CDH23: variants seen among roughly 807,000 people sequenced by gnomAD.
The protein encoded by CDH23 is cadherin related 23.
Under a neutral mutation model 317.1 loss-of-function variants are expected in CDH23, and 189 were observed. The observed-to-expected ratio is 0.60, with a 90% CI of 0.53 to 0.67. The LOEUF is 0.67. CDH23 is among the 30% of genes least tolerant of loss of function. The probability of loss-of-function intolerance (pLI) is 0.00; values close to 1 mark genes in which losing one functional copy is unlikely to be tolerated. For synonymous variants in CDH23, 1,839 were observed against 1,876.8 expected, an observed-to-expected ratio of 0.98 and a Z score of 0.52; for missense variants, 4,401 against 4,592.4, an observed-to-expected ratio of 0.96 and a Z score of 1.20.
In CDH23 at chr10:71,687,557, C is replaced by G; in HGVS notation, c.1987-90C>G. Reference sequence around the variant, plus strand: ...CAAAGCTCTTTAGGGCCAGCCAGACCTAGCCTGACTCCTTGGTGCCCACCT... The same window carrying G: ...CAAAGCTCTTTAGGGCCAGCCAGACGTAGCCTGACTCCTTGGTGCCCACCT... On this transcript the variant is annotated intron_variant, in intron 18 of 69. Transcript: ENST00000224721. 6.7e-6 allele frequency: 8 copies of G among 1,190,770 alleles called. No homozygotes were observed. The Admixed American group carries it at 1.1e-4, about 16-fold the overall frequency. The allele number at this position is 1,190,770 out of a possible 1,614,324, so 73.8% of individuals were successfully genotyped here.
At chr10:71,805,460 A>G (rs779621405) in intron 55 of CDH23, among the ~76,000 whole-genome samples, 2 of 152,160 alleles carry the variant, frequency 1.3e-5, no homozygotes, top group Non-Finnish European at 2.9e-5. Flanking sequence ...CAGCACTTAG[A>G]TCCCCTCTGT....
At chr10:71,641,340 C>T (rs1862542057) in intron 11 of CDH23, among the ~76,000 whole-genome samples, 1 of 152,180 alleles carries the variant, frequency 6.6e-6, no homozygotes, top group Non-Finnish European at 1.5e-5. Flanking sequence ...AGGAGGGCAG[C>T]ACCGGTGTGA....
At chr10:71,785,408 A>G (rs1196023575) in intron 43 of CDH23, among the ~76,000 whole-genome samples, 1 of 152,230 alleles carries the variant, frequency 6.6e-6, no homozygotes, top group Non-Finnish European at 1.5e-5. Context: ...TAGATGGCCA[A>G]CAACACCATG....
At chr10:71,577,805 C>T (rs1035703493) in intron 8 of CDH23, 109 bp from the exon 9 acceptor site, 1 of 939,290 alleles carries the variant, frequency 1.1e-6, no homozygotes, top group Non-Finnish European at 1.7e-6. Flanking sequence ...CTGGGTTGCC[C>T]TTGCAGCCAG....
Position 71,815,360 on chromosome 10 carries a change from CG to C in CDH23, c.*89del. On this transcript the variant is annotated 3_prime_UTR_variant, in exon 70 of 70. Coordinates refer to ENST00000224721, the MANE Select transcript of CDH23 (RefSeq NM_022124.6). ...GAGCAAGGGCAGGGACAGGGCCGGT[CG>C]GGGGGGACCCTCCAAGGCCAGGCCT... 43 of 1,325,798 alleles carry C rather than the reference CG, an allele frequency of 3.2e-5. No individual in the cohort carries two copies. The highest frequency in any genetic ancestry group is 4.7e-5 in the South Asian group (3 of 63,978). The allele number at this position is 1,325,798 out of a possible 1,614,324, so 82.1% of individuals were successfully genotyped here.
In CDH23 at chr10:71,812,629, G is replaced by A. The variant is rs776704248; in HGVS notation, c.9510+20G>A. The A allele has an allele frequency of 8.7e-6, 14 of 1,601,982 alleles. No homozygotes were observed. The Admixed American group carries it at 2.0e-4, about 23-fold the overall frequency. On this transcript the variant is annotated intron_variant, in intron 67 of 69. Coordinates refer to ENST00000224721, the MANE Select transcript of CDH23 (RefSeq NM_022124.6). ...ACCCATGTGAGCCAGAGGCGGTCAG[G>A]CATCACAAGGGGCAGGGGTGGAGGG...
At chr10:71,789,135 G>C in intron 45 of CDH23, 93 bp downstream of exon 45, 1 of 696,704 alleles carries the variant, frequency 1.4e-6, no homozygotes, top group East Asian at 2.6e-5. Context: ...TAACGGCATA[G>C]CTGAACCTAG....
At chr10:71,629,259 G>C (rs1861893965) in intron 11 of CDH23, among the ~76,000 whole-genome samples, 1 of 152,188 alleles carries the variant, frequency 6.6e-6, no homozygotes, top group African/African-American at 2.4e-5. Context: ...CAGGTGGTGA[G>C]AAGAGCCACG....
Position 71,811,205 on chromosome 10 carries a change from G to C in CDH23, c.9078-110G>C, listed in dbSNP as rs1841910818. The C allele has an allele frequency of 2.0e-6, 3 of 1,528,232 alleles. No individual in the cohort carries two copies. In the Admixed American group the frequency reaches 5.2e-5, roughly 26 times the overall value. The allele number at this position is 1,528,232 out of a possible 1,614,324, so 94.7% of individuals were successfully genotyped here. ...GTCCCAGCCGGTGGACCTCAATCTT[G>C]CAAGGCTTGGGGTTGTTGAACTTTG... On this transcript the variant is annotated intron_variant, in intron 62 of 69. Transcript: ENST00000224721.
chr10:71,444,254 G>A (rs150499074), intron 2 of CDH23, among the ~76,000 whole-genome samples: 12 of 152,398 alleles, frequency 7.9e-5, no homozygotes, highest in African/African-American at 1.4e-4. Flanking sequence ...AGCGCTTTAT[G>A]TATGTAATCT....
rs1269192113 is a variant in CDH23, at chr10:71,439,876, G to T, written c.45G>T (p.Leu15Phe). 1 of 1,575,924 alleles carries T rather than the reference G, an allele frequency of 6.3e-7. No homozygotes were observed. The highest frequency in any genetic ancestry group is 8.6e-7 in the Non-Finnish European group (1 of 1,159,664). ...VATSCHVAWL[L>F]VLISGCWGQV... ...CCAGCTGCCACGTGGCCTGGCTTTT[G>T]GTGCTGATCTCTGGATGCTGGGGTA... The change falls in exon 2 of 70, where the codon TTG becomes TTT. Residue 15 changes from leucine to phenylalanine, a missense_variant. This residue lies in a region of CDH23 where 3,068 missense variants were observed against 3,203.3 expected (regional missense o/e 0.96). Coordinates refer to ENST00000224721, the MANE Select transcript of CDH23 (RefSeq NM_022124.6).
At chr10:71,631,671 C>T (rs529136183) in intron 11 of CDH23, among the ~76,000 whole-genome samples, 3 of 152,176 alleles carry the variant, frequency 2.0e-5, no homozygotes, top group African/African-American at 4.8e-5. Context: ...TTTCTTAATC[C>T]TCTTGGCCCT....
intron 3 of CDH23, among the ~76,000 whole-genome samples, chr10:71,506,332 T>G (rs1189238079): frequency 6.6e-6 from 1 of 152,220 alleles, no homozygotes; most frequent in Non-Finnish European, 1.5e-5. Context: ...GCATCGTGAA[T>G]GTACTAAATG....
intron 1 of CDH23, among the ~76,000 whole-genome samples, chr10:71,439,380 C>A (rs915603069): frequency 3.3e-5 from 5 of 152,310 alleles, no homozygotes; most frequent in African/African-American, 1.2e-4. Context: ...CCCTGTTAGA[C>A]CGCTGTCTTC....
chr10:71,799,174 G>C lies in CDH23; in HGVS notation c.7118G>C (p.Arg2373Thr), dbSNP rs1259411068. The part of the protein sequence containing the change: ...EEVHWLNFTV[R>T]ASDNGSPPRA... ...GTGCACTGGCTCAACTTTACCGTGA[G>C]GGCCTCAGACAACGGGTCCCCGCCC... Residue 2373 changes from arginine to threonine, a missense_variant, in exon 51 of 70, where the codon AGG becomes ACG. This residue lies in a region of CDH23 where 189 missense variants were observed against 250.9 expected (regional missense o/e 0.75). Coordinates refer to ENST00000224721, the MANE Select transcript of CDH23 (RefSeq NM_022124.6). 1 of 1,614,046 alleles carries C rather than the reference G, an allele frequency of 6.2e-7. No individual in the cohort carries two copies. Among genetic ancestry groups the C allele is most frequent in the Non-Finnish European group, 8.5e-7 (1 of 1,179,900 alleles).
intron 12 of CDH23, among the ~76,000 whole-genome samples, chr10:71,644,087 G>A (rs1862709364): frequency 6.6e-6 from 1 of 152,266 alleles, no homozygotes; most frequent in Admixed American, 6.5e-5. Context: ...GCCCCTTCGG[G>A]CATTTAATTG....
chr10:71,702,638 C>G lies in CDH23; in HGVS notation c.2677C>G (p.Leu893Val). The change falls in exon 24 of 70, where the codon CTG (leucine) becomes GTG (valine). Residue 893 changes from leucine to valine, a missense_variant. Leu to Val is a conservative substitution (Grantham distance 32, BLOSUM62 1). Transcript: ENST00000224721. ...TGACAATGACCCCACCTTTCAGAAC[C>G]TGCCTTTTGTGGCCGAGGTGCTTGA... ...LNDNDPTFQN[L>V]PFVAEVLEGI... 3 of 1,613,974 alleles carry G rather than the reference C, an allele frequency of 1.9e-6. No individual in the cohort carries two copies. The highest frequency in any genetic ancestry group is 2.5e-6 in the Non-Finnish European group (3 of 1,179,896).
chr10:71,784,692 C>T (rs1841049829), intron 42 of CDH23, among the ~76,000 whole-genome samples, 199 bp from the exon 43 acceptor site: 1 of 152,180 alleles, frequency 6.6e-6, no homozygotes, highest in Admixed American at 6.5e-5. Context: ...TTCCTGCTTC[C>T]CTCATCATCC....
chr10:71,612,227 A>AGTGTGTGT lies in CDH23; in HGVS notation c.833-3260_833-3253dup, dbSNP rs112383786. Among the ~76,000 whole-genome samples, 259 of 149,300 alleles carry AGTGTGTGT rather than the reference A, an allele frequency of 1.7e-3. 1 individual carries two copies. Among genetic ancestry groups the AGTGTGTGT allele is most frequent in the African/African-American group, 5.2e-3 (213 of 40,598 alleles). Reference sequence around the variant, plus strand: ...CATGCAAACAGATGTGTGAAAAAGAAGTGTGTGTGTGTGTGTGTGTGTGTA... The same window carrying AGTGTGTGT: ...CATGCAAACAGATGTGTGAAAAAGAAGTGTGTGTGTGTGTGTGTGTGTGTGTGTGTGTA... On this transcript the variant is annotated intron_variant, in intron 9 of 69. Coordinates refer to ENST00000224721, the MANE Select transcript of CDH23 (RefSeq NM_022124.6).
Sources: gnomAD v4.1 joint callset for allele counts (sites outside exome capture counted in the v4.1 genomes callset) on GRCh38, gnomAD v4.1.1 for gene constraint, gnomAD v4.1.1 regional missense constraint, MANE v1.5 for transcripts, NCBI Gene and HGNC (gene_info 2026-07-23, HGNC 2026-07-21) for gene names.